The following MGMT variants were observed in gnomAD, a reference collection of about 807,000 sequenced individuals.
MGMT encodes O-6-methylguanine-DNA methyltransferase.
A neutral mutation model predicts 15.9 loss-of-function variants in MGMT; 14 were observed. That is an observed-to-expected ratio of 0.88 (90% CI 0.58 to 1.37). The LOEUF (loss-of-function observed/expected upper bound fraction) is 1.37. Among genes scored for constraint, MGMT ranks in the 40% most tolerant of loss-of-function variants. The pLI is 0.00. For synonymous variants in MGMT, 130 were observed against 118.2 expected (o/e 1.10, Z -0.65); for missense variants, 282 against 268.1 (o/e 1.05, Z -0.36).
chr10:129,558,182 A>G (rs935266529), intron 2 of MGMT, among the ~76,000 whole-genome samples: 35 of 152,206 alleles, frequency 2.3e-4, no homozygotes, highest in African/African-American at 8.4e-4. Flanking sequence ...TAAAATTGAG[A>G]GCTCATCTAT....
At chr10:129,623,490 T>A (rs1462983017) in intron 2 of MGMT, among the ~76,000 whole-genome samples, 1 of 152,152 alleles carries the variant, frequency 6.6e-6, no homozygotes, top group Non-Finnish European at 1.5e-5. Flanking sequence ...ATGCATTGCT[T>A]TCTTTTCAGT....
rs1848950322 is a variant in MGMT at position 129,767,299 on chromosome 10, C to T, written c.*302C>T. The T allele has an allele frequency of 1.6e-5, 4 of 242,946 alleles. No individual in the cohort carries two copies. In the South Asian group the frequency reaches 3.5e-4, roughly 21 times the overall value. The allele number at this position is 242,946 out of a possible 1,614,324, so 15.0% of individuals were successfully genotyped here. ...CCAGGATGGGGCAGTCTGGCACCCT[C>T]AGGCCACAGACGGCTGCCATAGCCG... On this transcript the variant is annotated 3_prime_UTR_variant, in exon 5 of 5. Transcript: ENST00000651593.
At chr10:129,491,910 C>A (rs1845472584) in intron 1 of MGMT, among the ~76,000 whole-genome samples, 1 of 152,060 alleles carries the variant, frequency 6.6e-6, no homozygotes, top group African/African-American at 2.4e-5. Context: ...TCTGCTAGCA[C>A]CAGTATTGTG....
intron 1 of MGMT, among the ~76,000 whole-genome samples, chr10:129,473,976 A>G (rs111745320): frequency 1.7e-4 from 26 of 152,260 alleles, no homozygotes; most frequent in African/African-American, 5.3e-4. Flanking sequence ...CCAGGGACCC[A>G]TGCCTGATTC....
intron 1 of MGMT, among the ~76,000 whole-genome samples, chr10:129,521,085 C>CA (rs1845804833): frequency 6.6e-6 from 1 of 152,172 alleles, no homozygotes; most frequent in African/African-American, 2.4e-5. Flanking sequence ...CCTGACTGGG[C>CA]ATGGCCCTCC....
intron 3 of MGMT, among the ~76,000 whole-genome samples, chr10:129,753,272 C>T (rs1342484595): frequency 6.6e-6 from 1 of 152,142 alleles, no homozygotes; most frequent in Non-Finnish European, 1.5e-5. Flanking sequence ...AAGCTTTCAG[C>T]AGTTTGATCA....
chr10:129,742,541 C>T (rs1005154177), intron 3 of MGMT, among the ~76,000 whole-genome samples: 1 of 145,894 alleles, frequency 6.9e-6, no homozygotes, highest in Non-Finnish European at 1.5e-5. Flanking sequence ...CAGTGCCCCA[C>T]GGCTGCAGCG....
intron 2 of MGMT, among the ~76,000 whole-genome samples, chr10:129,688,193 G>A (rs1225161860): frequency 6.6e-6 from 1 of 152,104 alleles, no homozygotes; most frequent in Admixed American, 6.5e-5. Flanking sequence ...TATAATCCTT[G>A]GGGTATATGT....
chr10:129,657,408 T>TGG (rs199898493), intron 2 of MGMT, among the ~76,000 whole-genome samples: 3 of 63,860 alleles, frequency 4.7e-5, no homozygotes, highest in African/African-American at 1.8e-4. Context: ...ATTGTGGGGG[T>TGG]GGGGGGGGGA....
At chr10:129,726,310 T>C (rs6482751) in intron 3 of MGMT, among the ~76,000 whole-genome samples, 83,795 of 151,844 alleles carry the variant, frequency 0.55, 23,398 homozygotes, top group Middle Eastern at 0.72. Flanking sequence ...AGATCTCTGC[T>C]GGCCAGGTCC....
chr10:129,694,257 C>G (rs982129829), intron 2 of MGMT: 5 of 152,326 alleles, frequency 3.3e-5, no homozygotes, highest in African/African-American at 9.6e-5. Flanking sequence ...GCAACACTAC[C>G]CCTGGCTCCG....
At chr10:129,558,036 TC>T (rs890465851) in intron 2 of MGMT, among the ~76,000 whole-genome samples, 1 of 152,172 alleles carries the variant, frequency 6.6e-6, no homozygotes, top group Admixed American at 6.5e-5. Context: ...GGAAGAGGTT[TC>T]CCGGTTTACC....
intron 1 of MGMT, among the ~76,000 whole-genome samples, chr10:129,534,026 A>G (rs970681933): frequency 4.6e-5 from 7 of 152,200 alleles, no homozygotes; most frequent in Non-Finnish European, 8.8e-5. Flanking sequence ...CCCAAATCCT[A>G]CAGAGCCTTT....
At position 129,535,174 on chromosome 10, in the gene MGMT, G is replaced by A. The variant is rs77930757; in HGVS notation, c.-12-1067G>A. ...TTGGGTTGGAGTGGAAAGAGCCCAG[G>A]TGTGATGGGAGCCGTGAGGATGGCC... On this transcript the variant is annotated intron_variant, in intron 1 of 4. Coordinates refer to ENST00000651593, the MANE Select transcript of MGMT (RefSeq NM_002412.5). Among the ~76,000 whole-genome samples the A allele has an allele frequency of 1.1e-4, 17 of 152,260 alleles. No individual in the cohort carries two copies. In the East Asian group the frequency reaches 2.9e-3, roughly 26 times the overall value.
At chr10:129,605,572 C>T (rs746220509) in intron 2 of MGMT, among the ~76,000 whole-genome samples, 3 of 151,868 alleles carry the variant, frequency 2.0e-5, no homozygotes, top group South Asian at 2.1e-4. Flanking sequence ...CATAGTGGAT[C>T]ATATTTAAAA....
chr10:129,767,143 AG>A lies in MGMT; in HGVS notation c.*148del. ...CCTTTCTGTTTCCATATTTTACAGC[AG>A]GATGAGTTCAGACGCCCGCGGTCCT... On this transcript the variant is annotated 3_prime_UTR_variant, in exon 5 of 5. Transcript: ENST00000651593. The A allele has an allele frequency of 1.4e-6, 1 of 712,632 alleles. No individual in the cohort carries two copies. The highest frequency in any genetic ancestry group is 2.2e-6 in the Non-Finnish European group (1 of 445,292). 44.1% of individuals were successfully genotyped at this position (712,632 alleles called of 1,614,324 possible).
intron 2 of MGMT, among the ~76,000 whole-genome samples, chr10:129,551,660 A>G (rs993441378): frequency 2.0e-5 from 3 of 152,072 alleles, no homozygotes; most frequent in African/African-American, 7.2e-5. Flanking sequence ...AGGTATTTTC[A>G]CCTGTACTGA....
At chr10:129,704,477 G>A (rs1169162277) in intron 2 of MGMT, among the ~76,000 whole-genome samples, 1 of 152,080 alleles carries the variant, frequency 6.6e-6, no homozygotes, top group African/African-American at 2.4e-5. Context: ...AGTTCCCTTG[G>A]GCAGGGATCT....
At chr10:129,607,016 G>A (rs889193400) in intron 2 of MGMT, among the ~76,000 whole-genome samples, 2 of 152,154 alleles carry the variant, frequency 1.3e-5, no homozygotes, top group African/African-American at 4.8e-5. Flanking sequence ...CAAATTTATA[G>A]GACAACTTAG....
Sources: allele counts gnomAD v4.1 joint callset (sites outside exome capture counted in the v4.1 genomes callset), GRCh38; gene constraint gnomAD v4.1.1; transcripts MANE v1.5; gene names NCBI Gene and HGNC (gene_info 2026-07-23, HGNC 2026-07-21).